Variants in CNTNAP5 observed in about 807,000 individuals in gnomAD.
The protein encoded by CNTNAP5 is contactin associated protein family member 5, also known as contactin-associated protein-like 5.
A neutral mutation model predicts 150.2 loss-of-function variants in CNTNAP5; 72 were observed. The ratio of observed to expected loss-of-function variants is 0.48; its 90% CI spans 0.40 to 0.58. The LOEUF is 0.58. Ranked by LOEUF, CNTNAP5 falls within the 20% of genes least tolerant of loss-of-function variation. CNTNAP5 has a pLI of 0.00. For synonymous variants in CNTNAP5, 672 were observed against 619.8 expected (o/e 1.08, Z -1.25); for missense variants, 1,636 against 1,626.2 (o/e 1.01, Z -0.10).
chr2:124,145,812 T>TAAAAA, intron 1 of CNTNAP5, among the ~76,000 whole-genome samples: 29 of 64,174 alleles, frequency 4.5e-4, no homozygotes, highest in South Asian at 7.3e-4. Flanking sequence ...AAAAAAACAT[T>TAAAAA]AAAAAAAAAA....
intron 12 of CNTNAP5, among the ~76,000 whole-genome samples, chr2:124,621,116 G>A (rs956491449): frequency 2.0e-5 from 3 of 152,142 alleles, no homozygotes; most frequent in African/African-American, 7.2e-5. Flanking sequence ...ATTCTACTCA[G>A]TTTACATTGT....
chr2:124,157,419 G>A (rs1684571282), intron 1 of CNTNAP5, among the ~76,000 whole-genome samples: 2 of 151,856 alleles, frequency 1.3e-5, no homozygotes, highest in South Asian at 2.1e-4. Context: ...GGCTCTTGGA[G>A]ACAAGAAACT....
chr2:124,388,707 G>C lies in CNTNAP5; in HGVS notation c.382-28736G>C, dbSNP rs114070603. The stretch of plus-strand genomic sequence containing the variant: ...CCTTTTTTTTCTTTTCTTTTCTTTT[G>C]TTTTTGAGATGGAGTCCTGCTCTGT... On this transcript the variant is annotated intron_variant, in intron 3 of 23. Transcript: ENST00000682447. Among the ~76,000 whole-genome samples, 1,341 of 151,876 alleles carry C rather than the reference G, an allele frequency of 8.8e-3. 26 individuals carry two copies. Among genetic ancestry groups the C allele is most frequent in the African/African-American group, 0.03 (1,255 of 41,386 alleles).
rs554337943 is a variant in CNTNAP5 at position 124,320,700 on chromosome 2, A to T, written c.381+78307A>T. ...AGGAAAAAAAAAATACTTTCCTCATAATTAAATTGTCTGTATTTAATTATT... is the reference window on the plus strand; with the variant it reads ...AGGAAAAAAAAAATACTTTCCTCATTATTAAATTGTCTGTATTTAATTATT... On this transcript the variant is annotated intron_variant, in intron 3 of 23. Coordinates refer to ENST00000682447, the MANE Select transcript of CNTNAP5 (RefSeq NM_001367498.1). Among the ~76,000 whole-genome samples the T allele has an allele frequency of 8.5e-5, 13 of 152,254 alleles. No homozygotes were observed. In the South Asian group the frequency reaches 2.7e-3, roughly 32 times the overall value.
At chr2:124,792,037 G>A (rs1681746260) in intron 18 of CNTNAP5, among the ~76,000 whole-genome samples, 1 of 152,144 alleles carries the variant, frequency 6.6e-6, no homozygotes, top group Admixed American at 6.6e-5. Flanking sequence ...GGAAGCCAGT[G>A]GCTACAAGAT....
intron 17 of CNTNAP5, among the ~76,000 whole-genome samples, chr2:124,775,607 C>T (rs1247163980): frequency 6.6e-6 from 1 of 152,094 alleles, no homozygotes; most frequent in Non-Finnish European, 1.5e-5. Flanking sequence ...CAGCACTGCC[C>T]CTGTCATTGG....
intron 19 of CNTNAP5, among the ~76,000 whole-genome samples, chr2:124,850,682 G>A (rs938114201): frequency 3.3e-5 from 5 of 152,156 alleles, no homozygotes; most frequent in African/African-American, 1.2e-4. Context: ...TTCCTAGACC[G>A]AGCCCGGGGA....
At chr2:124,654,034 GA>G (rs1678382305) in intron 13 of CNTNAP5, among the ~76,000 whole-genome samples, 1 of 151,980 alleles carries the variant, frequency 6.6e-6, no homozygotes, top group African/African-American at 2.4e-5. Flanking sequence ...GAGGTGGTGG[GA>G]AAGTCCTCCC....
At chr2:124,195,689 A>T (rs914908321) in intron 1 of CNTNAP5, among the ~76,000 whole-genome samples, 1 of 152,174 alleles carries the variant, frequency 6.6e-6, no homozygotes, top group African/African-American at 2.4e-5. Context: ...TATAAGAATG[A>T]TGGCTTGTGG....
chr2:124,868,879 T>C (rs1677686489), intron 20 of CNTNAP5, among the ~76,000 whole-genome samples: 1 of 152,060 alleles, frequency 6.6e-6, no homozygotes, highest in Admixed American at 6.6e-5. Context: ...AATAGCACCA[T>C]ATGCATAGTC....
At chr2:124,196,653 A>G (rs1685593512) in intron 1 of CNTNAP5, among the ~76,000 whole-genome samples, 1 of 152,078 alleles carries the variant, frequency 6.6e-6, no homozygotes, top group South Asian at 2.1e-4. Flanking sequence ...CCCACTTCCC[A>G]CTGTAAACAG....
At chr2:124,587,208 A>G (rs1246862575) in intron 11 of CNTNAP5, among the ~76,000 whole-genome samples, 1 of 152,156 alleles carries the variant, frequency 6.6e-6, no homozygotes, top group Non-Finnish European at 1.5e-5. Context: ...CATGTGCTAT[A>G]ATCATCTGTT....
At chr2:124,424,550 T>C (rs1692194733) in intron 4 of CNTNAP5, among the ~76,000 whole-genome samples, 1 of 152,226 alleles carries the variant, frequency 6.6e-6, no homozygotes, top group South Asian at 2.1e-4. Flanking sequence ...ATAGTTCCTA[T>C]AGGAATGACT....
In CNTNAP5 at chr2:124,786,447, GAAAGAAAGA is replaced by G. The variant is rs1460646830; in HGVS notation, c.2753-3452_2753-3444del. ...GGAAGGAAGGAAGGAAGGAAGGAAG[GAAAGAAAGA>G]AAGAAAGAAAGGAAGGAAGGAAGGA... On this transcript the variant is annotated intron_variant, in intron 17 of 23. Coordinates refer to ENST00000682447, the MANE Select transcript of CNTNAP5 (RefSeq NM_001367498.1). Among the ~76,000 whole-genome samples, 19 of 99,846 alleles carry G rather than the reference GAAAGAAAGA, an allele frequency of 1.9e-4. 1 individual carries two copies. The highest frequency in any genetic ancestry group is 1.1e-3 in the South Asian group (3 of 2,814). The allele number at this position is 99,846 out of a possible 152,430, so 65.5% of individuals were successfully genotyped here. A position where few individuals can be genotyped will look rare whatever the true frequency, so the allele number is the denominator to read the frequency against.
intron 11 of CNTNAP5, among the ~76,000 whole-genome samples, chr2:124,568,379 A>G (rs13402377): frequency 1.1e-3 from 167 of 152,314 alleles, no homozygotes; most frequent in African/African-American, 3.9e-3. Context: ...TAGTAGACAT[A>G]CATGTGCTGT....
chr2:124,895,013 A>T (rs947219091), intron 21 of CNTNAP5, among the ~76,000 whole-genome samples: 1 of 151,552 alleles, frequency 6.6e-6, no homozygotes, highest in Non-Finnish European at 1.5e-5. Flanking sequence ...GCCTTTACAT[A>T]ATGCATGTTA....
chr2:124,845,705 T>C (rs1172015215), intron 19 of CNTNAP5, among the ~76,000 whole-genome samples: 1 of 152,144 alleles, frequency 6.6e-6, no homozygotes, highest in Non-Finnish European at 1.5e-5. Context: ...CCTTTCTCAT[T>C]TAATCTAGGA....
chr2:124,881,175 G>A (rs945462022), intron 21 of CNTNAP5, among the ~76,000 whole-genome samples: 4 of 152,148 alleles, frequency 2.6e-5, no homozygotes, highest in Non-Finnish European at 5.9e-5. Context: ...CTCGTGGTCA[G>A]AGCTGCTGTT....
At chr2:124,263,827 A>G (rs1214326787) in intron 3 of CNTNAP5, among the ~76,000 whole-genome samples, 1 of 152,184 alleles carries the variant, frequency 6.6e-6, no homozygotes, top group Non-Finnish European at 1.5e-5. Flanking sequence ...ATTTTTGTGT[A>G]AGGTGTAAGG....
Sources: allele counts gnomAD v4.1 joint callset (sites outside exome capture counted in the v4.1 genomes callset), GRCh38; gene constraint gnomAD v4.1.1; transcripts MANE v1.5; gene names NCBI Gene and HGNC (gene_info 2026-07-23, HGNC 2026-07-21).